Variants in OXSR1 observed in about 807,000 individuals in gnomAD.
The protein encoded by OXSR1 is oxidative stress responsive kinase 1.
OXSR1 carries 24 observed loss-of-function variants against 79.8 expected under a neutral mutation model. That is an observed-to-expected ratio of 0.30 (90% CI 0.22 to 0.42). OXSR1 has a LOEUF of 0.42. OXSR1 is among the 10% of genes least tolerant of loss of function. The pLI is 1.00. For missense variants in OXSR1, 430 were observed against 618.4 expected (o/e 0.70, Z 3.23); for synonymous variants, 226 against 209.2 (o/e 1.08, Z -0.69).
intron 4 of OXSR1, among the ~76,000 whole-genome samples, chr3:38,201,074 ATTT>A (rs992586187): frequency 6.6e-6 from 1 of 151,634 alleles, no homozygotes; most frequent in Non-Finnish European, 1.5e-5. Context: ...ATTTTTGCCT[ATTT>A]TTCTTTTATT....
At chr3:38,182,743 A>G (rs1451750368) in intron 1 of OXSR1, among the ~76,000 whole-genome samples, 2 of 152,174 alleles carry the variant, frequency 1.3e-5, no homozygotes, top group African/African-American at 4.8e-5. Context: ...GAGTGAGGAA[A>G]TGTGAGCCTA....
chr3:38,187,668 A>G (rs1488522815), intron 2 of OXSR1, among the ~76,000 whole-genome samples: 1 of 152,220 alleles, frequency 6.6e-6, no homozygotes, highest in Non-Finnish European at 1.5e-5. Flanking sequence ...CAAACAAAAA[A>G]TCTGGCTCTA....
chr3:38,186,496 C>CT (rs1701889076), intron 2 of OXSR1, among the ~76,000 whole-genome samples: 2 of 152,188 alleles, frequency 1.3e-5, no homozygotes, highest in Non-Finnish European at 2.9e-5. Context: ...CCTAGGCAAT[C>CT]ACTAATCTAC....
chr3:38,244,672 C>CGT (rs1703104484), intron 12 of OXSR1, among the ~76,000 whole-genome samples: 3 of 7,908 alleles, frequency 3.8e-4, no homozygotes, highest in Non-Finnish European at 8.5e-4. Context: ...TGTGTGCGTG[C>CGT]GCATGTACCA....
At chr3:38,244,637 C>CTCTGTGTGTGTG (rs375165998) in intron 12 of OXSR1, among the ~76,000 whole-genome samples, 2 of 99,504 alleles carry the variant, frequency 2.0e-5, no homozygotes, top group African/African-American at 3.2e-5. Context: ...TAATATTCCT[C>CTCTGTGTGTGTG]TGTGTGTGTG....
chr3:38,168,115 A>G (rs1241278217), intron 1 of OXSR1, among the ~76,000 whole-genome samples: 1 of 152,224 alleles, frequency 6.6e-6, no homozygotes, highest in East Asian at 1.9e-4. Context: ...TGTTCCTCAC[A>G]TTCACAAAGT....
chr3:38,234,767 C>T (rs1213066172), intron 10 of OXSR1, among the ~76,000 whole-genome samples: 2 of 152,234 alleles, frequency 1.3e-5, no homozygotes, highest in African/African-American at 4.8e-5. Context: ...AAACGTAAGT[C>T]CACACAAAAA....
chr3:38,232,526 G>A (rs1011788090), intron 10 of OXSR1, among the ~76,000 whole-genome samples: 3 of 152,090 alleles, frequency 2.0e-5, no homozygotes, highest in African/African-American at 7.2e-5. Flanking sequence ...AGGCTGAGGC[G>A]GATGGATTGC....
intron 1 of OXSR1, among the ~76,000 whole-genome samples, chr3:38,171,392 G>T (rs1391048478): frequency 6.6e-6 from 1 of 152,150 alleles, no homozygotes; most frequent in African/African-American, 2.4e-5. Context: ...TAGAAAAAAG[G>T]GTTTGGGATC....
At chr3:38,215,795 T>C (rs1702470972) in intron 4 of OXSR1, among the ~76,000 whole-genome samples, 1 of 152,178 alleles carries the variant, frequency 6.6e-6, no homozygotes, top group South Asian at 2.1e-4. Context: ...GAAAAAAATA[T>C]ATTTCAAAAT....
chr3:38,183,684 C>A (rs963448268), intron 2 of OXSR1, among the ~76,000 whole-genome samples: 2 of 152,038 alleles, frequency 1.3e-5, no homozygotes, highest in African/African-American at 4.8e-5. Context: ...GATAGAATGA[C>A]CCCCAGGCAG....
chr3:38,188,370 T>G (rs955280998), intron 2 of OXSR1, among the ~76,000 whole-genome samples: 2 of 152,228 alleles, frequency 1.3e-5, no homozygotes, highest in Non-Finnish European at 2.9e-5. Flanking sequence ...AACCTTTTCT[T>G]TTGAAATAGC....
intron 11 of OXSR1, among the ~76,000 whole-genome samples, chr3:38,238,918 A>G (rs1471273025): frequency 1.3e-5 from 2 of 152,152 alleles, no homozygotes; most frequent in African/African-American, 2.4e-5. Context: ...CCCCAGTAAC[A>G]TATATATTAG....
intron 11 of OXSR1, among the ~76,000 whole-genome samples, chr3:38,240,127 A>C (rs1161395547): frequency 6.6e-6 from 1 of 152,206 alleles, no homozygotes; most frequent in African/African-American, 2.4e-5. Context: ...ATATAAAAAG[A>C]AAGAATCCAA....
intron 4 of OXSR1, among the ~76,000 whole-genome samples, chr3:38,201,875 A>C (rs1275056582): frequency 1.3e-5 from 2 of 152,194 alleles, no homozygotes; most frequent in Non-Finnish European, 2.9e-5. Flanking sequence ...AAAAGAAAAA[A>C]AAATTACTCT....
At chr3:38,164,585 A>G (rs1348913191), upstream of OXSR1, among the ~76,000 whole-genome samples, 2 of 152,294 alleles carry the variant, frequency 1.3e-5, no homozygotes. Flanking sequence ...TCAGCTCGCT[A>G]ATTTCTCTAA....
At position 38,252,887 on chromosome 3, in the gene OXSR1, G is replaced by C. The variant is rs1484999536; in HGVS notation, c.1580G>C (p.Ser527Thr). 1 of 1,613,120 alleles carries C rather than the reference G, an allele frequency of 6.2e-7. No homozygotes were observed. Among genetic ancestry groups the C allele is most frequent in the African/African-American group, 1.3e-5 (1 of 74,864 alleles). The change falls in exon 18 of 18, where the codon AGC becomes ACC. Residue 527 changes from serine (S) to threonine (T), a missense_variant. Physicochemically the swap from Ser to Thr is moderately conservative, Grantham distance 58. Transcript: ENST00000311806. ...ATAGGATTTGCCCAGCTCAGCATCA[G>C]CTAAACCACAACCCTGGAAGAGGCG... ...KLIGFAQLSI[S>T]
chr3:38,214,486 A>G (rs1427521908), intron 4 of OXSR1, among the ~76,000 whole-genome samples: 1 of 152,186 alleles, frequency 6.6e-6, no homozygotes, highest in Non-Finnish European at 1.5e-5. Context: ...GGGAGTGACT[A>G]AACTATACTT....
intron 2 of OXSR1, among the ~76,000 whole-genome samples, chr3:38,189,154 C>T (rs1371115117): frequency 2.6e-5 from 4 of 152,082 alleles, no homozygotes; most frequent in African/African-American, 4.8e-5. Flanking sequence ...ACATGGTTCC[C>T]ACCTATTCTG....
Sources: allele counts gnomAD v4.1 joint callset (sites outside exome capture counted in the v4.1 genomes callset), GRCh38; gene constraint gnomAD v4.1.1; transcripts MANE v1.5; gene names NCBI Gene and HGNC (gene_info 2026-07-23, HGNC 2026-07-21).